The following ACSBG1 variants were observed in gnomAD, a reference collection of about 807,000 sequenced individuals.
ACSBG1 encodes the protein long-chain-fatty-acid--CoA ligase ACSBG1.
ACSBG1 carries 39 observed loss-of-function variants against 80.2 expected under a neutral mutation model. That is an observed-to-expected ratio of 0.49 (90% CI 0.38 to 0.64). The LOEUF is 0.64. Ranked by LOEUF, ACSBG1 falls within the 30% of genes least tolerant of loss-of-function variation. The pLI, the probability that ACSBG1 is intolerant of heterozygous loss-of-function variation, is 0.00. For missense variants in ACSBG1, 828 were observed against 966.4 expected (o/e 0.86, Z 1.90); for synonymous variants, 392 against 379.5 (o/e 1.03, Z -0.38).
intron 1 of ACSBG1, among the ~76,000 whole-genome samples, chr15:78,221,739 G>C (rs570480104): frequency 2.2e-4 from 34 of 152,262 alleles, no homozygotes; most frequent in African/African-American, 7.9e-4. Context: ...GGTCCCTGCG[G>C]CTTTCTGCAG....
intron 5 of ACSBG1, among the ~76,000 whole-genome samples, chr15:78,191,930 C>A (rs2075060614): frequency 6.6e-6 from 1 of 152,228 alleles, no homozygotes; most frequent in African/African-American, 2.4e-5. Context: ...TAGCTGGTAC[C>A]TCCAAGTGTG....
rs1435802826 is a variant in ACSBG1, at chr15:78,189,802, C to A, written c.663+3704G>T. Among the ~76,000 whole-genome samples, 4 of 151,054 alleles carry A rather than the reference C, an allele frequency of 2.6e-5. No individual in the cohort carries two copies. In the East Asian group the frequency reaches 7.8e-4, roughly 29 times the overall value. ...CTAACCTGCACATTGTGCACATGTA[C>A]CCTAAAACTTAAAGTATAATAATAA... On this transcript the variant is annotated intron_variant, in intron 5 of 13. Transcript: ENST00000258873.
chr15:78,223,236 C>T lies in ACSBG1; in HGVS notation c.131+11135G>A, dbSNP rs765329915. On this transcript the variant is annotated intron_variant, in intron 1 of 13. Coordinates refer to ENST00000258873, the MANE Select transcript of ACSBG1 (RefSeq NM_015162.5). The stretch of plus-strand genomic sequence containing the variant: ...TGAAGAAGCCACACAGAAATAGAGG[C>T]GCTGAACAATGAGAGCACATGGACA... Among the ~76,000 whole-genome samples the T allele has an allele frequency of 1.7e-3, 228 of 131,056 alleles. 1 individual carries two copies. Among genetic ancestry groups the T allele is most frequent in the Middle Eastern group, 4.1e-3 (1 of 244 alleles). The allele number at this position is 131,056 out of a possible 152,430, so 86.0% of individuals were successfully genotyped here. A position where few individuals can be genotyped will look rare whatever the true frequency, so the allele number is the denominator to read the frequency against.
intron 10 of ACSBG1, 74 bp downstream of exon 10, chr15:78,179,476 G>T: frequency 7.3e-7 from 1 of 1,375,812 alleles, no homozygotes. Context: ...GATCCCCAGG[G>T]CACTCAGCAG....
At chr15:78,190,970 T>C (rs2141344044) in intron 5 of ACSBG1, among the ~76,000 whole-genome samples, 1 of 152,216 alleles carries the variant, frequency 6.6e-6, no homozygotes, top group African/African-American at 2.4e-5. Flanking sequence ...ACAAATTTCA[T>C]CAGATTGGAT....
chr15:78,178,477 T>C lies in ACSBG1; in HGVS notation c.1702+137A>G, dbSNP rs967112400. 12 of 964,796 alleles carry C rather than the reference T, an allele frequency of 1.2e-5. No homozygotes were observed. Among genetic ancestry groups the C allele is most frequent in the African/African-American group, 1.2e-4 (7 of 60,480 alleles). The allele number at this position is 964,796 out of a possible 1,614,324, so 59.8% of individuals were successfully genotyped here. ...CCACGCCCAGCTAATTTTTCGTGTG[T>C]TTTTAGTAGAGATGGGGTTTCGCTG... On this transcript the variant is annotated intron_variant, in intron 11 of 13. Coordinates refer to ENST00000258873, the MANE Select transcript of ACSBG1 (RefSeq NM_015162.5). This position sits in a 1 kb window ranked among gnomAD's most constrained non-coding sequence, Gnocchi z 4.3.
chr15:78,233,348 C>T (rs1056920986), intron 1 of ACSBG1, among the ~76,000 whole-genome samples: 4 of 152,212 alleles, frequency 2.6e-5, no homozygotes, highest in African/African-American at 9.7e-5. Flanking sequence ...CATCTGTTCC[C>T]ATTTCCCTCT....
intron 2 of ACSBG1, among the ~76,000 whole-genome samples, chr15:78,205,704 A>C (rs1466526502): frequency 6.6e-6 from 1 of 152,234 alleles, no homozygotes; most frequent in Admixed American, 6.5e-5. Flanking sequence ...CTTCTTATTC[A>C]GGGCACAACT....
intron 13 of ACSBG1, chr15:78,171,783 G>A: frequency 2.9e-6 from 1 of 341,210 alleles, no homozygotes; most frequent in Non-Finnish European, 5.4e-6. Flanking sequence ...TCTGAGAATA[G>A]GTTATAAAAG....
chr15:78,225,549 G>A (rs917117017), intron 1 of ACSBG1, among the ~76,000 whole-genome samples: 17 of 152,066 alleles, frequency 1.1e-4, no homozygotes, highest in Non-Finnish European at 2.9e-5. Flanking sequence ...TATAAAACAT[G>A]GTTGAGACAA....
Position 78,207,986 on chromosome 15 carries a change from C to T in ACSBG1, c.232+16G>A. The T allele has an allele frequency of 6.6e-7, 1 of 1,507,448 alleles. No homozygotes were observed. The highest frequency in any genetic ancestry group is 9.2e-7 in the Non-Finnish European group (1 of 1,090,974). The allele number at this position is 1,507,448 out of a possible 1,614,324, so 93.4% of individuals were successfully genotyped here. A position where few individuals can be genotyped will look rare whatever the true frequency, so the allele number is the denominator to read the frequency against. Reference sequence around the variant, plus strand: ...TTTCCCGCCCTGCCCCACCCTACCACCCCCAGCTGGCTTACCTGGAGCATC... The same window carrying T: ...TTTCCCGCCCTGCCCCACCCTACCATCCCCAGCTGGCTTACCTGGAGCATC... On this transcript the variant is annotated intron_variant, in intron 2 of 13. Coordinates refer to ENST00000258873, the MANE Select transcript of ACSBG1 (RefSeq NM_015162.5).
rs567515005 is a variant in ACSBG1, at chr15:78,217,801, G to A, written c.132-9699C>T. On this transcript the variant is annotated intron_variant, in intron 1 of 13. Coordinates refer to ENST00000258873, the MANE Select transcript of ACSBG1 (RefSeq NM_015162.5). ...AGGCTGGTCTCGTACTCCTGACCTC[G>A]TGATCCGCCTGCCTCGGCCTCCCAA... Among the ~76,000 whole-genome samples the A allele has an allele frequency of 9.0e-4, 137 of 152,156 alleles. 2 individuals carry two copies. Among genetic ancestry groups the A allele is most frequent in the African/African-American group, 3.0e-3 (124 of 41,496 alleles).
At chr15:78,212,438 G>GA in intron 1 of ACSBG1, 3 of 398,560 alleles carry the variant, frequency 7.5e-6, no homozygotes, top group South Asian at 5.3e-5. Context: ...CCAGCAGAAT[G>GA]AAAAAAACCC....
chr15:78,211,963 G>C (rs1022616549), intron 1 of ACSBG1, among the ~76,000 whole-genome samples: 2 of 152,180 alleles, frequency 1.3e-5, no homozygotes, highest in Non-Finnish European at 1.5e-5. Flanking sequence ...CTTACTGTTG[G>C]AGCTCAGTAC....
Position 78,234,395 on chromosome 15 carries a change from G to A in ACSBG1, c.107C>T (p.Thr36Ile), listed in dbSNP as rs1439854019. The stretch of plus-strand genomic sequence containing the variant: ...CCTGGTTTTCAATTTTTCTTGGGTG[G>A]TCCTCACAATCATGTCCTGCCGGCT... ...QESRQDMIVRTTQEKLKTSSL... is the reference protein window; with the variant it reads ...QESRQDMIVRITQEKLKTSSL... Residue 36 changes from threonine to isoleucine, a missense_variant, in exon 1 of 14, where the codon ACC becomes ATC. Thr to Ile is a moderately conservative substitution (Grantham distance 89). Transcript: ENST00000258873. The A allele has an allele frequency of 1.2e-6, 2 of 1,612,374 alleles. No individual in the cohort carries two copies. The highest frequency in any genetic ancestry group is 1.3e-5 in the African/African-American group (1 of 75,040).
intron 10 of ACSBG1, chr15:78,179,070 T>C: frequency 1.8e-6 from 1 of 556,606 alleles, no homozygotes; most frequent in Non-Finnish European, 3.2e-6. Flanking sequence ...AGCACTGTGA[T>C]AGGCTGGCAG....
chr15:78,208,890 T>A (rs1421901703), intron 1 of ACSBG1, among the ~76,000 whole-genome samples: 1 of 152,208 alleles, frequency 6.6e-6, no homozygotes, highest in Admixed American at 6.5e-5. Context: ...TGGCCAGACC[T>A]CAACCTCCTA....
At chr15:78,208,904 G>A (rs1473778245) in intron 1 of ACSBG1, among the ~76,000 whole-genome samples, 1 of 152,228 alleles carries the variant, frequency 6.6e-6, no homozygotes, top group East Asian at 1.9e-4. Flanking sequence ...CCTCCTAGAT[G>A]GCTGAGCAGC....
chr15:78,195,362 A>G (rs1331725936), intron 2 of ACSBG1, among the ~76,000 whole-genome samples: 1 of 152,170 alleles, frequency 6.6e-6, no homozygotes, highest in Non-Finnish European at 1.5e-5. Flanking sequence ...TCAGTCATTT[A>G]TCGAAGATCA....
Sources: allele counts gnomAD v4.1 joint callset (sites outside exome capture counted in the v4.1 genomes callset), GRCh38; gene constraint gnomAD v4.1.1; non-coding constraint Gnocchi (gnomAD v3.1); transcripts MANE v1.5; gene names NCBI Gene and HGNC (gene_info 2026-07-23, HGNC 2026-07-21).